RTBDN: variants seen among roughly 807,000 people sequenced by gnomAD.
The protein encoded by RTBDN is retbindin.
RTBDN carries 24 observed loss-of-function variants against 21.9 expected under a neutral mutation model. The ratio of observed to expected loss-of-function variants is 1.10; its 90% CI spans 0.79 to 1.54. The LOEUF is 1.54. RTBDN is among the 40% of genes most tolerant of loss of function. The probability of loss-of-function intolerance (pLI) is 0.00; values close to 1 mark genes in which losing one functional copy is unlikely to be tolerated. For synonymous variants in RTBDN, 141 were observed against 125.9 expected (o/e 1.12, Z -0.80); for missense variants, 325 against 315.2 (o/e 1.03, Z -0.23).
At chr19:12,832,417 T>C (rs1401910338) in intron 1 of RTBDN, 4 of 152,168 alleles carry the variant, frequency 2.6e-5, no homozygotes, top group African/African-American at 9.7e-5. Context: ...GACCTAGCTT[T>C]CCCCTGGTCC....
chr19:12,825,595 A>G lies in RTBDN; in HGVS notation c.*111T>C, dbSNP rs1969253851. 4 of 1,433,836 alleles carry G rather than the reference A, an allele frequency of 2.8e-6. No homozygotes were observed. Among genetic ancestry groups the G allele is most frequent in the South Asian group, 2.8e-5 (2 of 70,264 alleles). 88.8% of individuals were successfully genotyped at this position (1,433,836 alleles called of 1,614,324 possible). On this transcript the variant is annotated 3_prime_UTR_variant, in exon 6 of 6. Transcript: ENST00000674343. Reference sequence around the variant, plus strand: ...CTGGAGCTCCAGGGAGGAGGGACAGACATCTCAAAACTATTACAGAAGGCC... The same window carrying G: ...CTGGAGCTCCAGGGAGGAGGGACAGGCATCTCAAAACTATTACAGAAGGCC...
chr19:12,834,430 C>T lies in RTBDN; in HGVS notation c.-19+59G>A. On this transcript the variant is annotated intron_variant, in intron 1 of 5. Coordinates refer to ENST00000674343, the MANE Select transcript of RTBDN (RefSeq NM_001270441.2). This position sits in a 1 kb window ranked among gnomAD's most constrained non-coding sequence, Gnocchi z 4.7. The stretch of plus-strand genomic sequence containing the variant: ...AAACATGTTTGTGCGGCAACCTCGC[C>T]CCTCACCACCCCAGGAGCCCCCTCC... 1 of 1,341,372 alleles carries T rather than the reference C, an allele frequency of 7.5e-7. No individual in the cohort carries two copies. Among genetic ancestry groups the T allele is most frequent in the Non-Finnish European group, 1.0e-6 (1 of 973,284 alleles). 83.1% of individuals were successfully genotyped at this position (1,341,372 alleles called of 1,614,324 possible). A position where few individuals can be genotyped will look rare whatever the true frequency, so the allele number is the denominator to read the frequency against.
intron 4 of RTBDN, among the ~76,000 whole-genome samples, chr19:12,827,734 A>T (rs1254772058): frequency 6.6e-6 from 1 of 151,928 alleles, no homozygotes; most frequent in Non-Finnish European, 1.5e-5. Context: ...CTCTCAAACG[A>T]CTGAGATTAC....
At position 12,830,454 on chromosome 19, in the gene RTBDN, C is replaced by T. The variant is rs1969526453; in HGVS notation, c.-18-457G>A. On this transcript the variant is annotated intron_variant, in intron 1 of 5. Coordinates refer to ENST00000674343, the MANE Select transcript of RTBDN (RefSeq NM_001270441.2). This position sits in a 1 kb window ranked among gnomAD's most constrained non-coding sequence, Gnocchi z 4.2. ...GGGTCACCTTCTCTCGGCCCACAATCGGCTTAGGGGCCACCCAGAGCTGGA... is the reference window on the plus strand; with the variant it reads ...GGGTCACCTTCTCTCGGCCCACAATTGGCTTAGGGGCCACCCAGAGCTGGA... 24 of 988,120 alleles carry T rather than the reference C, an allele frequency of 2.4e-5. No homozygotes were observed. The highest frequency in any genetic ancestry group is 2.8e-5 in the Non-Finnish European group (23 of 831,638). The allele number at this position is 988,120 out of a possible 1,614,324, so 61.2% of individuals were successfully genotyped here. A position where few individuals can be genotyped will look rare whatever the true frequency, so the allele number is the denominator to read the frequency against.
chr19:12,826,304 A>T, intron 5 of RTBDN: 1 of 1,208,912 alleles, frequency 8.3e-7, no homozygotes, highest in Non-Finnish European at 1.0e-6. Flanking sequence ...TTGGGGTCAA[A>T]GGGCACAACC....
chr19:12,830,308 T>C lies in RTBDN; in HGVS notation c.-18-311A>G. On this transcript the variant is annotated intron_variant, in intron 1 of 5. Transcript: ENST00000674343. The surrounding 1 kb of genome is among the most constrained non-coding windows in gnomAD (Gnocchi z 4.2). ...TTTTTAGTCTTCAAGAGACCCCTTC[T>C]TTTCTCAGAATGAAGGGGACCTCCC... 9.2e-7 allele frequency: 1 copy of C among 1,091,238 alleles called. No individual in the cohort carries two copies. The allele number at this position is 1,091,238 out of a possible 1,614,324, so 67.6% of individuals were successfully genotyped here.
Position 12,830,025 on chromosome 19 carries a change from A to G in RTBDN, c.-18-28T>C, listed in dbSNP as rs780264992. Reference sequence around the variant, plus strand: ...GGCAGGCATAGGGTGGGGTTCAGCCATCCCTTTCTGTGAGCTTAGGGTGGC... The same window carrying G: ...GGCAGGCATAGGGTGGGGTTCAGCCGTCCCTTTCTGTGAGCTTAGGGTGGC... On this transcript the variant is annotated intron_variant, in intron 1 of 5. Coordinates refer to ENST00000674343, the MANE Select transcript of RTBDN (RefSeq NM_001270441.2). The surrounding 1 kb of genome is among the most constrained non-coding windows in gnomAD (Gnocchi z 4.2). 1.3e-5 allele frequency: 21 copies of G among 1,587,146 alleles called. No homozygotes were observed. The African/African-American group carries it at 2.8e-4, about 21-fold the overall frequency.
chr19:12,834,863 G>T, upstream of RTBDN: 2 of 1,614,006 alleles, frequency 1.2e-6, no homozygotes, highest in African/African-American at 1.3e-5. This position sits in a 1 kb window ranked among gnomAD's most constrained non-coding sequence, Gnocchi z 4.7. Context: ...GGTTAGTACG[G>T]AAGTTCAGGG....
upstream of RTBDN, chr19:12,834,617 C>T: frequency 6.6e-7 from 1 of 1,515,380 alleles, no homozygotes; most frequent in Non-Finnish European, 8.9e-7. This position sits in a 1 kb window ranked among gnomAD's most constrained non-coding sequence, Gnocchi z 4.7. Context: ...TCCAGCCCAG[C>T]TTGTGGGTGG....
intron 1 of RTBDN, among the ~76,000 whole-genome samples, chr19:12,832,273 A>G (rs1184498271): frequency 1.3e-5 from 2 of 152,144 alleles, no homozygotes; most frequent in African/African-American, 4.8e-5. Flanking sequence ...ATTCCCTCCC[A>G]GATCCCAAAA....
chr19:12,833,732 C>G (rs1031511933), intron 1 of RTBDN, among the ~76,000 whole-genome samples: 2 of 143,166 alleles, frequency 1.4e-5, no homozygotes, highest in South Asian at 2.2e-4. Context: ...CCGCCCGCCC[C>G]TTCCCCCCGC....
chr19:12,826,532 A>C, intron 5 of RTBDN: 1 of 746,232 alleles, frequency 1.3e-6, no homozygotes. Flanking sequence ...TGACTCTACT[A>C]AAAATACAAA....
intron 5 of RTBDN, 127 bp downstream of exon 5, chr19:12,826,648 C>G: frequency 1.3e-6 from 1 of 756,908 alleles, no homozygotes; most frequent in East Asian, 2.8e-5. Flanking sequence ...GAGCTGAGAT[C>G]GCGCCACTGC....
intron 2 of RTBDN, 75 bp from the exon 3 acceptor site, chr19:12,829,028 C>A (rs371535918): frequency 6.9e-6 from 11 of 1,591,752 alleles, no homozygotes; most frequent in Non-Finnish European, 9.4e-6. Flanking sequence ...CTGGGGATCC[C>A]CTGGACAGGG....
At position 12,834,418 on chromosome 19, in the gene RTBDN, C is replaced by A; in HGVS notation, c.-19+71G>T. 1 of 1,214,964 alleles carries A rather than the reference C, an allele frequency of 8.2e-7. No homozygotes were observed. Among genetic ancestry groups the A allele is most frequent in the East Asian group, 2.5e-5 (1 of 39,480 alleles). 75.3% of individuals were successfully genotyped at this position (1,214,964 alleles called of 1,614,324 possible). A position where few individuals can be genotyped will look rare whatever the true frequency, so the allele number is the denominator to read the frequency against. On this transcript the variant is annotated intron_variant, in intron 1 of 5. Transcript: ENST00000674343. The surrounding 1 kb of genome is among the most constrained non-coding windows in gnomAD (Gnocchi z 4.7). ...CGCTGGAGGCGTAAACATGTTTGTG[C>A]GGCAACCTCGCCCCTCACCACCCCA... is the stretch of plus-strand genomic sequence containing the variant.
At chr19:12,826,429 C>T (rs1169295126) in intron 5 of RTBDN, 16 of 1,255,528 alleles carry the variant, frequency 1.3e-5, no homozygotes, top group Admixed American at 3.0e-5. Context: ...GGCGGTGGCT[C>T]ACACCTGTAA....
intron 1 of RTBDN, among the ~76,000 whole-genome samples, chr19:12,831,984 G>A (rs12609353): frequency 0.16 from 24,513 of 152,164 alleles, 2,780 homozygotes; most frequent in East Asian, 0.49. Flanking sequence ...ATGACTGTGT[G>A]TATGTCTGTG....
chr19:12,833,994 C>A, intron 1 of RTBDN: 2 of 398,266 alleles, frequency 5.0e-6, no homozygotes, highest in Non-Finnish European at 8.9e-6. Flanking sequence ...TCATCCGCCG[C>A]CGGAGGCTGC....
Position 12,825,916 on chromosome 19 carries a change from C to A in RTBDN, c.480G>T (p.Thr160=). 6.3e-7 allele frequency: 1 copy of A among 1,595,648 alleles called. No homozygotes were observed. Among genetic ancestry groups the A allele is most frequent in the East Asian group, 2.3e-5 (1 of 44,394 alleles). ...LTYGQTFADG[T]DLCRSALGHA... is the part of the protein sequence containing the mutation. Reference sequence around the variant, plus strand: ...GGCCCAGAGCCGAGCGACAAAGGTCCGTCCCGTCTGCGAAGGTCTAGGAAA... The same window carrying A: ...GGCCCAGAGCCGAGCGACAAAGGTCAGTCCCGTCTGCGAAGGTCTAGGAAA... The change falls in exon 6 of 6, where the codon ACG becomes ACT. Residue 160 remains threonine (T), a synonymous_variant. Transcript: ENST00000674343.
Sources: gnomAD v4.1 joint callset for allele counts (sites outside exome capture counted in the v4.1 genomes callset) on GRCh38, gnomAD v4.1.1 for gene constraint, Gnocchi (gnomAD v3.1) non-coding constraint, MANE v1.5 for transcripts, NCBI Gene and HGNC (gene_info 2026-07-23, HGNC 2026-07-21) for gene names.